Variants in TFDP2 observed in about 807,000 individuals in gnomAD.
TFDP2 encodes transcription factor Dp-2 (E2F dimerization partner 2).
TFDP2 carries 17 observed loss-of-function variants against 59.3 expected under a neutral mutation model. The ratio of observed to expected loss-of-function variants is 0.29; its 90% confidence interval spans 0.20 to 0.43. The LOEUF (loss-of-function observed/expected upper bound fraction) is 0.43, where lower values mean the gene tolerates loss of function less well. TFDP2 is among the 20% of genes least tolerant of loss of function. TFDP2 has a pLI of 1.00. For synonymous variants in TFDP2, 180 were observed against 194.7 expected, an observed-to-expected ratio of 0.92 and a Z score of 0.63; for missense variants, 391 against 528.8, an observed-to-expected ratio of 0.74 and a Z score of 2.56.
rs1935777528 is a variant in TFDP2 at position 141,950,115 on chromosome 3, C to T, written c.*2398G>A. On this transcript the variant is annotated 3_prime_UTR_variant, in exon 13 of 13. Transcript: ENST00000489671. ...AGGCACTGCACCCAGCCCATGGTTT[C>T]CTAACACTGCCTCACTTTGATCTTG... is the stretch of plus-strand genomic sequence containing the variant. 6.6e-6 allele frequency: 1 copy of T among 152,178 alleles called. No homozygotes were observed. 9.4% of individuals were successfully genotyped at this position (152,178 alleles called of 1,614,324 possible). A position where few individuals can be genotyped will look rare whatever the true frequency, so the allele number is the denominator to read the frequency against.
intron 1 of TFDP2, among the ~76,000 whole-genome samples, chr3:142,130,614 A>G (rs770299406): frequency 5.3e-5 from 8 of 151,978 alleles, no homozygotes; most frequent in South Asian, 2.1e-4. Context: ...AACATTGGGT[A>G]TATCTCCTAA....
intron 3 of TFDP2, among the ~76,000 whole-genome samples, chr3:142,068,874 T>A (rs1242331794): frequency 2.6e-5 from 4 of 152,082 alleles, no homozygotes; most frequent in African/African-American, 9.7e-5. Context: ...CTCACTTCTT[T>A]AAACTAATAG....
chr3:142,073,848 G>A (rs1394027910), intron 3 of TFDP2, among the ~76,000 whole-genome samples: 1 of 152,084 alleles, frequency 6.6e-6, no homozygotes, highest in Non-Finnish European at 1.5e-5. Context: ...CATTTGAATG[G>A]AGCATTAAGA....
At chr3:141,994,035 C>T (rs1480782513) in intron 5 of TFDP2, among the ~76,000 whole-genome samples, 2 of 152,206 alleles carry the variant, frequency 1.3e-5, no homozygotes, top group Non-Finnish European at 2.9e-5. Context: ...CCAGGGTAAC[C>T]TTTGATCTAC....
intron 3 of TFDP2, chr3:142,029,060 T>C (rs1386611066): frequency 6.6e-6 from 1 of 152,638 alleles, no homozygotes; most frequent in Admixed American, 6.5e-5. Flanking sequence ...CCTGCATAAT[T>C]TGAATTATAC....
At chr3:142,133,192 T>C (rs2062580937) in intron 1 of TFDP2, among the ~76,000 whole-genome samples, 1 of 150,136 alleles carries the variant, frequency 6.7e-6, no homozygotes, top group Admixed American at 6.6e-5. Flanking sequence ...TATAACTTTT[T>C]GAATTATCAA....
intron 3 of TFDP2, among the ~76,000 whole-genome samples, chr3:142,079,730 G>A (rs529758647): frequency 6.6e-6 from 1 of 152,302 alleles, no homozygotes; most frequent in Non-Finnish European, 1.5e-5. Flanking sequence ...CAGGAAGAGA[G>A]TGGCGTGACA....
At chr3:142,115,949 A>G (rs1301032699) in intron 1 of TFDP2, among the ~76,000 whole-genome samples, 2 of 152,180 alleles carry the variant, frequency 1.3e-5, no homozygotes, top group Non-Finnish European at 2.9e-5. Context: ...AGTCAATTAT[A>G]TTGTACCAAT....
At chr3:142,025,346 A>T (rs894832536) in intron 3 of TFDP2, among the ~76,000 whole-genome samples, 2 of 152,246 alleles carry the variant, frequency 1.3e-5, no homozygotes, top group African/African-American at 4.8e-5. Flanking sequence ...TTACACATAC[A>T]GAGGCAGTGG....
At chr3:142,076,025 A>G (rs1173148704) in intron 3 of TFDP2, among the ~76,000 whole-genome samples, 3 of 151,912 alleles carry the variant, frequency 2.0e-5, no homozygotes, top group Admixed American at 2.0e-4. Context: ...AGCCTGGCCA[A>G]CATGGTGAAA....
intron 4 of TFDP2, among the ~76,000 whole-genome samples, chr3:141,999,737 CTTT>C (rs1016787088): frequency 4.3e-5 from 6 of 140,138 alleles, no homozygotes; most frequent in Admixed American, 1.4e-4. Context: ...GCAAGAATTC[CTTT>C]TTTTTTTTTT....
chr3:142,139,534 CT>C (rs1237198760), intron 1 of TFDP2, among the ~76,000 whole-genome samples: 1 of 152,102 alleles, frequency 6.6e-6, no homozygotes, highest in African/African-American at 2.4e-5. Flanking sequence ...TTAGCACTTC[CT>C]TCAGGAGTTC....
intron 1 of TFDP2, among the ~76,000 whole-genome samples, chr3:142,143,341 G>T (rs530431245): frequency 6.6e-6 from 1 of 152,086 alleles, no homozygotes; most frequent in Non-Finnish European, 1.5e-5. Flanking sequence ...CATTGGTCTG[G>T]GCAAGAATTT....
chr3:142,083,485 C>A (rs1174922393), intron 3 of TFDP2, among the ~76,000 whole-genome samples: 1 of 152,106 alleles, frequency 6.6e-6, no homozygotes, highest in Non-Finnish European at 1.5e-5. Flanking sequence ...ACATTCTTCA[C>A]AGAAATAGAA....
chr3:142,025,488 C>T (rs1946003275), intron 3 of TFDP2, among the ~76,000 whole-genome samples: 2 of 152,178 alleles, frequency 1.3e-5, no homozygotes, highest in South Asian at 2.1e-4. Flanking sequence ...GTCATGTCTA[C>T]ATTTATAATT....
At chr3:141,990,523 C>T (rs567268884) in intron 6 of TFDP2, among the ~76,000 whole-genome samples, 4 of 152,248 alleles carry the variant, frequency 2.6e-5, no homozygotes, top group South Asian at 4.1e-4. Flanking sequence ...TGTGAGCCAC[C>T]GTGCCCAGTC....
At chr3:142,123,561 C>A (rs1012105981) in intron 1 of TFDP2, among the ~76,000 whole-genome samples, 2 of 152,142 alleles carry the variant, frequency 1.3e-5, no homozygotes, top group African/African-American at 2.4e-5. Flanking sequence ...AGCAACTGCA[C>A]CCGGCCCATT....
At chr3:142,049,600 G>C (rs1258888492) in intron 3 of TFDP2, among the ~76,000 whole-genome samples, 2 of 151,942 alleles carry the variant, frequency 1.3e-5, no homozygotes, top group Non-Finnish European at 2.9e-5. Flanking sequence ...CAATGAACTA[G>C]AGGGCTTAGC....
chr3:142,015,713 T>C (rs1945082249), intron 3 of TFDP2, among the ~76,000 whole-genome samples: 1 of 152,200 alleles, frequency 6.6e-6, no homozygotes, highest in Non-Finnish European at 1.5e-5. Context: ...AATACAGCAC[T>C]CACTAGACAC....
Sources: gnomAD v4.1 joint callset for allele counts (sites outside exome capture counted in the v4.1 genomes callset) on GRCh38, gnomAD v4.1.1 for gene constraint, MANE v1.5 for transcripts, NCBI Gene and HGNC (gene_info 2026-07-23, HGNC 2026-07-21) for gene names.